Variants in BRINP3 observed in about 807,000 individuals in gnomAD.
BRINP3 encodes BMP/retinoic acid-inducible neural-specific protein 3.
In BRINP3, 19 loss-of-function variants were observed where a neutral mutation model predicts 71.0. The observed-to-expected ratio is 0.27, with a 90% confidence interval of 0.19 to 0.39. BRINP3 has a LOEUF of 0.39. Among genes scored for constraint, BRINP3 ranks in the 10% least tolerant of loss-of-function variants. BRINP3 has a pLI of 1.00. For synonymous variants in BRINP3, 380 were observed against 337.7 expected, an observed-to-expected ratio of 1.13 and a Z score of -1.37; for missense variants, 959 against 940.8, an observed-to-expected ratio of 1.02 and a Z score of -0.25.
rs1672793577 is a variant in BRINP3 at position 190,413,051 on chromosome 1, A to C, written c.236+41604T>G. Among the ~76,000 whole-genome samples the C allele has an allele frequency of 2.0e-5, 3 of 152,194 alleles. No homozygotes were observed. In the South Asian group the frequency reaches 6.2e-4, roughly 31 times the overall value. ...TATGTCAGCACACCGCTGAATGTGC[A>C]GTAATAACTTTTTAAAAGAACTTTT... On this transcript the variant is annotated intron_variant, in intron 2 of 7. Coordinates refer to ENST00000367462, the MANE Select transcript of BRINP3 (RefSeq NM_199051.3).
At chr1:190,147,953 A>T (rs1020081253) in intron 7 of BRINP3, among the ~76,000 whole-genome samples, 2 of 152,178 alleles carry the variant, frequency 1.3e-5, no homozygotes, top group Admixed American at 6.5e-5. Flanking sequence ...GGAGCCAGAC[A>T]TGTAAGATGA....
intron 2 of BRINP3, among the ~76,000 whole-genome samples, chr1:190,290,307 T>C (rs964527036): frequency 6.6e-5 from 10 of 152,048 alleles, no homozygotes; most frequent in Admixed American, 3.3e-4. Context: ...GGCAGTAAAA[T>C]GTATAGTTGT....
At chr1:190,154,714 A>G (rs1656712593) in intron 7 of BRINP3, among the ~76,000 whole-genome samples, 1 of 152,172 alleles carries the variant, frequency 6.6e-6, no homozygotes, top group Non-Finnish European at 1.5e-5. Flanking sequence ...GCATGTCAAA[A>G]CAAGACACAT....
chr1:190,352,319 G>A (rs1313632009), intron 2 of BRINP3, among the ~76,000 whole-genome samples: 5 of 151,942 alleles, frequency 3.3e-5, no homozygotes, highest in Non-Finnish European at 1.5e-5. Context: ...GTTCCACTGG[G>A]GGAAGCTTAG....
chr1:190,464,470 CG>C (rs1676606928), intron 1 of BRINP3, among the ~76,000 whole-genome samples: 1 of 151,754 alleles, frequency 6.6e-6, no homozygotes, highest in Non-Finnish European at 1.5e-5. Context: ...GACCAGATTA[CG>C]AGAGATTTGC....
At chr1:190,159,191 T>C (rs1030961388) in intron 7 of BRINP3, among the ~76,000 whole-genome samples, 13 of 152,106 alleles carry the variant, frequency 8.5e-5, no homozygotes, top group African/African-American at 1.9e-4. Flanking sequence ...TTCACTTCGA[T>C]GGCTATAACC....
chr1:190,345,568 A>C (rs1196646372), intron 2 of BRINP3, among the ~76,000 whole-genome samples: 6 of 151,636 alleles, frequency 4.0e-5, no homozygotes, highest in Non-Finnish European at 8.9e-5. Context: ...TAATATTAGA[A>C]TTAGGAAAAC....
intron 2 of BRINP3, among the ~76,000 whole-genome samples, chr1:190,446,888 G>A (rs1466611718): frequency 6.6e-6 from 1 of 151,988 alleles, no homozygotes; most frequent in African/African-American, 2.4e-5. Flanking sequence ...CAAATGCAAA[G>A]CCAGTGCCTT....
intron 2 of BRINP3, among the ~76,000 whole-genome samples, chr1:190,311,343 C>CATGG (rs1665503080): frequency 6.6e-6 from 1 of 151,516 alleles, no homozygotes; most frequent in South Asian, 2.1e-4. Context: ...TGAGCACAGA[C>CATGG]ATGGATAAAT....
At chr1:190,329,584 ATTG>A (rs1571764272) in intron 2 of BRINP3, among the ~76,000 whole-genome samples, 1 of 152,094 alleles carries the variant, frequency 6.6e-6, no homozygotes, top group East Asian at 1.9e-4. Flanking sequence ...AATAACTGAT[ATTG>A]TTAAAATGAA....
chr1:190,467,566 T>C (rs1676844425), intron 1 of BRINP3, among the ~76,000 whole-genome samples: 1 of 151,484 alleles, frequency 6.6e-6, no homozygotes, highest in Non-Finnish European at 1.5e-5. Context: ...GAGGCTTGGA[T>C]AGCCCAAATT....
At chr1:190,256,282 G>A (rs891546077) in intron 4 of BRINP3, among the ~76,000 whole-genome samples, 1 of 152,080 alleles carries the variant, frequency 6.6e-6, no homozygotes, top group African/African-American at 2.4e-5. Flanking sequence ...TGTCGATTAG[G>A]TCTGTTTTAT....
chr1:190,342,588 G>C (rs1024994952), intron 2 of BRINP3: 1 of 151,058 alleles, frequency 6.6e-6, no homozygotes, highest in Non-Finnish European at 1.5e-5. Flanking sequence ...GTTTATATTA[G>C]GGATGTAAGA....
At chr1:190,375,094 T>A (rs1052871798) in intron 2 of BRINP3, among the ~76,000 whole-genome samples, 2 of 151,998 alleles carry the variant, frequency 1.3e-5, no homozygotes, top group Non-Finnish European at 2.9e-5. Context: ...AAATCAGGTA[T>A]AATGGAATTT....
At chr1:190,138,189 G>A (rs566069501) in intron 7 of BRINP3, among the ~76,000 whole-genome samples, 2 of 152,096 alleles carry the variant, frequency 1.3e-5, no homozygotes, top group African/African-American at 2.4e-5. Flanking sequence ...CCCGACCTCA[G>A]GTGATCTGCC....
chr1:190,294,148 G>T (rs1206800255), intron 2 of BRINP3, among the ~76,000 whole-genome samples: 2 of 151,788 alleles, frequency 1.3e-5, no homozygotes, highest in East Asian at 3.9e-4. Context: ...TCCTCTGGTG[G>T]TATTTTTAAT....
intron 6 of BRINP3, among the ~76,000 whole-genome samples, chr1:190,171,038 T>A (rs1280740801): frequency 6.6e-6 from 1 of 152,162 alleles, no homozygotes; most frequent in Non-Finnish European, 1.5e-5. Flanking sequence ...AAGCAATATT[T>A]GCCTATGAGA....
chr1:190,339,659 C>T (rs1451158114), intron 2 of BRINP3, among the ~76,000 whole-genome samples: 1 of 151,824 alleles, frequency 6.6e-6, no homozygotes, highest in Admixed American at 6.6e-5. Flanking sequence ...TCTAGTATTG[C>T]CCACCTGCCA....
chr1:190,319,462 C>G (rs1216214901), intron 2 of BRINP3, among the ~76,000 whole-genome samples: 3 of 152,006 alleles, frequency 2.0e-5, no homozygotes, highest in African/African-American at 7.2e-5. Context: ...CATTCTTGCA[C>G]TGATATAAAG....
Sources: allele counts gnomAD v4.1 joint callset (sites outside exome capture counted in the v4.1 genomes callset), GRCh38; gene constraint gnomAD v4.1.1; transcripts MANE v1.5; gene names NCBI Gene and HGNC (gene_info 2026-07-23, HGNC 2026-07-21).